NEBL: variants seen among roughly 807,000 people sequenced by gnomAD.
The protein encoded by NEBL is LIM and SH3 protein 2.
In NEBL, 122 loss-of-function variants were observed where a neutral mutation model predicts 140.2. The ratio of observed to expected loss-of-function variants is 0.87; its 90% CI spans 0.75 to 1.01. The LOEUF is 1.01. Ranked by LOEUF, NEBL falls within the 50% of genes least tolerant of loss-of-function variation. The pLI, the probability that NEBL is intolerant of heterozygous loss-of-function variation, is 0.00. For synonymous variants in NEBL, 436 were observed against 398.9 expected (o/e 1.09, Z -1.11); for missense variants, 1,365 against 1,231.3 (o/e 1.11, Z -1.62).
At chr10:20,931,099 C>G (rs1024575568) in intron 4 of NEBL, among the ~76,000 whole-genome samples, 13 of 124,438 alleles carry the variant, frequency 1.0e-4, no homozygotes, top group African/African-American at 3.8e-4. Context: ...ATTTTCTCAA[C>G]CTTTCCTTTC....
At chr10:20,812,229 GTTTTTCT>G (rs1838222042) in intron 24 of NEBL, among the ~76,000 whole-genome samples, 1 of 151,874 alleles carries the variant, frequency 6.6e-6, no homozygotes, top group African/African-American at 2.4e-5. Flanking sequence ...CAATTATTTT[GTTTTTCT>G]TTTTAAAGAA....
chr10:21,243,649 A>G (rs1445949683), intron 3 of NEBL, among the ~76,000 whole-genome samples: 1 of 152,036 alleles, frequency 6.6e-6, no homozygotes, highest in Non-Finnish European at 1.5e-5. Context: ...CACAAGCATT[A>G]TTTCTTTAAA....
chr10:21,057,501 C>G (rs116190320), intron 2 of NEBL, among the ~76,000 whole-genome samples: 1 of 105,140 alleles, frequency 9.5e-6, no homozygotes, highest in Admixed American at 9.8e-5. Flanking sequence ...ATCTGAAATT[C>G]TGTTAAGAAT....
chr10:21,229,647 TG>T (rs1239882674), intron 3 of NEBL, among the ~76,000 whole-genome samples: 1 of 152,174 alleles, frequency 6.6e-6, no homozygotes, highest in African/African-American at 2.4e-5. Flanking sequence ...TATTCCCACT[TG>T]TTTCATTTCT....
At chr10:21,266,333 A>C (rs1588580071) in intron 1 of NEBL, among the ~76,000 whole-genome samples, 1 of 151,868 alleles carries the variant, frequency 6.6e-6, no homozygotes, top group South Asian at 2.1e-4. Flanking sequence ...GTAGAGACAG[A>C]GTTTCGCCAT....
At chr10:20,899,354 C>A, upstream of NEBL, 1 of 1,278,010 alleles carries the variant, frequency 7.8e-7, no homozygotes, top group Non-Finnish European at 1.0e-6. Context: ...CTCAGGGTGA[C>A]ACCTATTCCC....
At chr10:21,082,535 T>A (rs1355647932) in intron 2 of NEBL, among the ~76,000 whole-genome samples, 22 of 117,278 alleles carry the variant, frequency 1.9e-4, no homozygotes, top group East Asian at 4.8e-4. Context: ...CCACCACCAC[T>A]AAAAAAAAAA....
intron 3 of NEBL, among the ~76,000 whole-genome samples, chr10:20,974,315 G>A (rs1157772468): frequency 1.3e-5 from 2 of 149,366 alleles, no homozygotes; most frequent in East Asian, 2.0e-4. Context: ...ATGCAGTGGT[G>A]CAGTCTTGGC....
intron 4 of NEBL, among the ~76,000 whole-genome samples, chr10:20,940,776 T>C (rs2131564995): frequency 6.6e-6 from 1 of 151,808 alleles, no homozygotes; most frequent in African/African-American, 2.4e-5. Context: ...CCCACAGAAA[T>C]ACAAACTACC....
chr10:21,050,682 G>T (rs1834737153), intron 2 of NEBL, among the ~76,000 whole-genome samples: 1 of 152,176 alleles, frequency 6.6e-6, no homozygotes, highest in Admixed American at 6.5e-5. Flanking sequence ...TCTGACAGGT[G>T]TTTTCCAGGA....
intron 2 of NEBL, among the ~76,000 whole-genome samples, chr10:21,152,299 C>T (rs188049291): frequency 5.3e-5 from 8 of 152,278 alleles, no homozygotes; most frequent in East Asian, 1.9e-4. Context: ...AGGACAGTGA[C>T]GCCAGTGTAA....
rs1439386166 is a variant in NEBL, at chr10:20,784,959, A to T, written c.*788T>A. 2 of 152,638 alleles carry T rather than the reference A, an allele frequency of 1.3e-5. No individual in the cohort carries two copies. The highest frequency in any genetic ancestry group is 4.8e-5 in the African/African-American group (2 of 41,442). The allele number at this position is 152,638 out of a possible 1,614,324, so 9.5% of individuals were successfully genotyped here. On this transcript the variant is annotated 3_prime_UTR_variant, in exon 28 of 28. Coordinates refer to ENST00000377122, the MANE Select transcript of NEBL (RefSeq NM_006393.3). ...GCAGTGCAGCTGCCTATGTTACAGA[A>T]GCTTGAATCTACATGACATGCAACA...
chr10:21,087,992 A>G (rs1836720414), intron 2 of NEBL, among the ~76,000 whole-genome samples: 1 of 152,214 alleles, frequency 6.6e-6, no homozygotes. Flanking sequence ...GATATTATGT[A>G]TCAGTCAGAA....
Position 21,238,013 on chromosome 10 carries a change from C to A in NEBL, n.348+9908G>T, listed in dbSNP as rs143321295. ...AGCAAACAGACTAAGTGTCTTCATC[C>A]CTACAGCCCATGCAGCAGCTACCAG... On this transcript the variant is annotated intron_variant and non_coding_transcript_variant, in intron 3 of 8. Transcript: ENST00000675702. 2.1e-3 allele frequency among the ~76,000 whole-genome samples: 321 copies of A among 152,320 alleles called. 3 individuals are homozygous for A. Among genetic ancestry groups the A allele is most frequent in the African/African-American group, 7.2e-3 (301 of 41,566 alleles).
intron 21 of NEBL, among the ~76,000 whole-genome samples, chr10:20,817,026 TGAG>T (rs1213881735): frequency 6.6e-6 from 1 of 151,978 alleles, no homozygotes; most frequent in Non-Finnish European, 1.5e-5. Flanking sequence ...CTGTGGGACT[TGAG>T]GAGACCATAG....
At chr10:20,897,461 C>A (rs1784762551), upstream of NEBL, 5 of 1,210,616 alleles carry the variant, frequency 4.1e-6, no homozygotes, top group African/African-American at 1.6e-5. Context: ...ATTTTATGAA[C>A]TTTTAAAGTC....
chr10:20,854,294 T>C (rs1167977867), intron 9 of NEBL, among the ~76,000 whole-genome samples: 2 of 152,096 alleles, frequency 1.3e-5, no homozygotes, highest in Non-Finnish European at 2.9e-5. Context: ...TAAGGAAATT[T>C]GCATTTTGAT....
At chr10:21,103,877 C>T (rs1034406266) in intron 2 of NEBL, among the ~76,000 whole-genome samples, 10 of 152,248 alleles carry the variant, frequency 6.6e-5, no homozygotes, top group Admixed American at 6.5e-4. Flanking sequence ...CCCAAAGTCA[C>T]TAAGACAGTC....
intron 18 of NEBL, among the ~76,000 whole-genome samples, chr10:20,825,876 T>G (rs1263784353): frequency 6.6e-6 from 1 of 152,126 alleles, no homozygotes; most frequent in East Asian, 1.9e-4. Context: ...TTTCACAATT[T>G]ATAGTGAAGA....
Sources: allele counts gnomAD v4.1 joint callset (sites outside exome capture counted in the v4.1 genomes callset), GRCh38; gene constraint gnomAD v4.1.1; transcripts MANE v1.5; gene names NCBI Gene and HGNC (gene_info 2026-07-23, HGNC 2026-07-21).